The following HDC variants were observed in gnomAD, a reference collection of about 807,000 sequenced individuals.
HDC encodes the protein histidine decarboxylase.
HDC carries 27 observed loss-of-function variants against 64.4 expected under a neutral mutation model. The ratio of observed to expected loss-of-function variants is 0.42; its 90% confidence interval spans 0.31 to 0.58. The LOEUF (loss-of-function observed/expected upper bound fraction) is 0.58, where lower values mean the gene tolerates loss of function less well. Among genes scored for constraint, HDC ranks in the 20% least tolerant of loss-of-function variants. The pLI is 0.16. For missense variants in HDC, 711 were observed against 833.9 expected (o/e 0.85, Z 1.81); for synonymous variants, 305 against 314.2 (o/e 0.97, Z 0.31).
chr15:50,255,196 TG>T (rs2045614864), intron 4 of HDC, among the ~76,000 whole-genome samples: 1 of 152,178 alleles, frequency 6.6e-6, no homozygotes. Context: ...TCCCTTTAAC[TG>T]CTTCCCAGGA....
chr15:50,261,623 CAAAAAAAA>C (rs11418562), intron 2 of HDC, among the ~76,000 whole-genome samples: 5 of 95,064 alleles, frequency 5.3e-5, no homozygotes, highest in Admixed American at 1.3e-4. Context: ...TCTATTGCTT[CAAAAAAAA>C]AAAAAAAAAA....
intron 10 of HDC, among the ~76,000 whole-genome samples, chr15:50,246,550 T>C (rs1174579847): frequency 2.0e-5 from 3 of 152,120 alleles, no homozygotes; most frequent in Non-Finnish European, 4.4e-5. Flanking sequence ...GGACTGAGCA[T>C]GAGGTCTGGA....
intron 10 of HDC, among the ~76,000 whole-genome samples, chr15:50,243,687 A>G (rs1480078533): frequency 1.3e-5 from 2 of 152,242 alleles, no homozygotes; most frequent in Non-Finnish European, 2.9e-5. Context: ...GTGCACATCA[A>G]GTTGCCATAT....
chr15:50,265,179 A>G (rs995274534), intron 1 of HDC, among the ~76,000 whole-genome samples: 2 of 152,232 alleles, frequency 1.3e-5, no homozygotes, highest in South Asian at 4.1e-4. Context: ...CACTGCTGAT[A>G]GATTCACACA....
In HDC at chr15:50,263,452, C is replaced by T; in HGVS notation, c.32-45G>A. On this transcript the variant is annotated intron_variant, in intron 1 of 11. Coordinates refer to ENST00000267845, the MANE Select transcript of HDC (RefSeq NM_002112.4). ...ATCAGGCTGAAATCCCCTGACTGGG[C>T]CTGACCGATTTGTGCCCATCCCTCT... 1.9e-6 allele frequency: 3 copies of T among 1,589,866 alleles called. No individual in the cohort carries two copies. In the Admixed American group the frequency reaches 5.1e-5, roughly 27 times the overall value.
At chr15:50,243,327 T>A in intron 10 of HDC, 83 bp from the exon 11 acceptor site, 1 of 932,850 alleles carries the variant, frequency 1.1e-6, no homozygotes, top group Non-Finnish European at 1.8e-6. Context: ...TAAATGGTTT[T>A]AAACCAGGGC....
At chr15:50,243,686 A>C (rs2045435925) in intron 10 of HDC, among the ~76,000 whole-genome samples, 1 of 152,218 alleles carries the variant, frequency 6.6e-6, no homozygotes, top group South Asian at 2.1e-4. Context: ...AGTGCACATC[A>C]AGTTGCCATA....
At position 50,248,479 on chromosome 15, in the gene HDC, T is replaced by G; in HGVS notation, c.1042-136A>C. The stretch of plus-strand genomic sequence containing the variant: ...TCACCATGACTCTGGGAGCTGTTGC[T>G]AAGGAGTAAGCCAAGCTCCCCAAGG... On this transcript the variant is annotated intron_variant, in intron 9 of 11. Coordinates refer to ENST00000267845, the MANE Select transcript of HDC (RefSeq NM_002112.4). The surrounding 1 kb of genome is among the most constrained non-coding windows in gnomAD (Gnocchi z 4.3). 1 of 710,226 alleles carries G rather than the reference T, an allele frequency of 1.4e-6. No homozygotes were observed. The highest frequency in any genetic ancestry group is 2.5e-6 in the Non-Finnish European group (1 of 395,186). The allele number at this position is 710,226 out of a possible 1,614,324, so 44.0% of individuals were successfully genotyped here. A position where few individuals can be genotyped will look rare whatever the true frequency, so the allele number is the denominator to read the frequency against.
At chr15:50,254,694 C>T in intron 4 of HDC, 30 bp from the exon 5 acceptor site, 1 of 1,612,898 alleles carries the variant, frequency 6.2e-7, no homozygotes, top group South Asian at 1.1e-5. Flanking sequence ...TCATGGCAGC[C>T]TTTCTGTATT....
At chr15:50,244,595 C>T (rs1045453801) in intron 10 of HDC, 1 of 152,286 alleles carries the variant, frequency 6.6e-6, no homozygotes, top group African/African-American at 2.4e-5. Flanking sequence ...CATGAGCCAC[C>T]ATGTCTGGCC....
Position 50,242,656 on chromosome 15 carries a change from G to A in HDC, c.1593C>T (p.Ala531=), listed in dbSNP as rs199588807. ...GGCCATTTTCCCTTTTCATGGGACC[G>A]GCTCCCACACGCTGAGGCTGCTTGA... ...KIIKQPQRVG[A]GPMKRENGLH... Residue 531 remains alanine, a synonymous_variant, in exon 12 of 12, where the codon GCC becomes GCT. Coordinates refer to ENST00000267845, the MANE Select transcript of HDC (RefSeq NM_002112.4). 39 of 1,614,032 alleles carry A rather than the reference G, an allele frequency of 2.4e-5. No homozygotes were observed. Among genetic ancestry groups the A allele is most frequent in the South Asian group, 7.7e-5 (7 of 91,084 alleles).
chr15:50,251,806 TG>T, intron 9 of HDC, among the ~76,000 whole-genome samples: 1 of 149,148 alleles, frequency 6.7e-6, no homozygotes, highest in South Asian at 2.1e-4. Context: ...CTCTCCAGCC[TG>T]GTTGACAGAG....
intron 4 of HDC, 73 bp from the exon 5 acceptor site, chr15:50,254,737 TTTCTCTCTCTC>T: frequency 3.4e-6 from 3 of 875,732 alleles, no homozygotes; most frequent in Non-Finnish European, 3.1e-6. Flanking sequence ...TTTCTAGTTT[TTTCTCTCTCTC>T]TCTCTCTCTC....
At chr15:50,254,468 A>G in intron 5 of HDC, 62 bp downstream of exon 5, 1 of 1,612,482 alleles carries the variant, frequency 6.2e-7, no homozygotes, top group Non-Finnish European at 8.5e-7. Context: ...AAATTGCTCA[A>G]GGACCAAGAT....
intron 9 of HDC, among the ~76,000 whole-genome samples, chr15:50,251,718 G>C (rs1216653771): frequency 6.6e-6 from 1 of 152,142 alleles, no homozygotes; most frequent in African/African-American, 2.4e-5. Context: ...TGTAGTCCCA[G>C]ATACTTGGAA....
chr15:50,258,497 G>A lies in HDC; in HGVS notation c.225C>T (p.Pro75=). 6.2e-7 allele frequency: 1 copy of A among 1,612,650 alleles called. No individual in the cohort carries two copies. The highest frequency in any genetic ancestry group is 8.5e-7 in the Non-Finnish European group (1 of 1,178,782). Residue 75 remains proline (P), a synonymous_variant, in exon 3 of 12, where the codon CCC becomes CCT. Coordinates refer to ENST00000267845, the MANE Select transcript of HDC (RefSeq NM_002112.4). ...GGGCTGGGTAGTAGGCGTGCATATG[G>A]GGGCTCTGCCAATGTACCACCTGGA... ...IMPGVVHWQS[P]HMHAYYPALT...
Position 50,253,625 on chromosome 15 carries a change from G to A in HDC, c.762C>T (p.Asp254=). 1.2e-6 allele frequency: 2 copies of A among 1,613,860 alleles called. No homozygotes were observed. Among genetic ancestry groups the A allele is most frequent in the Non-Finnish European group, 8.5e-7 (1 of 1,179,984 alleles). The change falls in exon 7 of 12, where the codon GAC becomes GAT. Residue 254 remains aspartate (D), a synonymous_variant. Coordinates refer to ENST00000267845, the MANE Select transcript of HDC (RefSeq NM_002112.4). The part of the protein sequence containing the change: ...TLGTTGVCAF[D]CLSELGPICA... The stretch of plus-strand genomic sequence containing the variant: ...AGATGGGGCCCAGCTCTGACAGGCA[G>A]TCAAATGCACAGACCCCAGTGGTCC...
At chr15:50,255,934 G>A (rs1016477969) in intron 4 of HDC, among the ~76,000 whole-genome samples, 4 of 152,246 alleles carry the variant, frequency 2.6e-5, no homozygotes, top group Admixed American at 1.3e-4. Context: ...ACTAAGATGA[G>A]GAGAGTGATG....
chr15:50,253,387 A>C, intron 7 of HDC: 1 of 620,396 alleles, frequency 1.6e-6, no homozygotes, highest in Non-Finnish European at 2.9e-6. Context: ...GAGGCAAGGT[A>C]GGCCACCTCT....
Sources: allele counts gnomAD v4.1 joint callset (sites outside exome capture counted in the v4.1 genomes callset), GRCh38; gene constraint gnomAD v4.1.1; non-coding constraint Gnocchi (gnomAD v3.1); transcripts MANE v1.5; gene names NCBI Gene and HGNC (gene_info 2026-07-23, HGNC 2026-07-21).